Variants in MROH9 observed in about 807,000 individuals in gnomAD.
MROH9 encodes maestro heat like repeat family member 9, also known as maestro heat-like repeat-containing protein family member 9.
A neutral mutation model predicts 98.2 loss-of-function variants in MROH9; 92 were observed. The observed-to-expected ratio is 0.94, with a 90% CI of 0.79 to 1.11. MROH9 has a LOEUF of 1.11. Among genes scored for constraint, MROH9 ranks in the 50% most tolerant of loss-of-function variants. The pLI is 0.00. For synonymous variants in MROH9, 397 were observed against 368.9 expected (o/e 1.08, Z -0.87); for missense variants, 1,057 against 1,014.8 (o/e 1.04, Z -0.57).
At chr1:170,995,865 C>T (rs1045633776) in intron 13 of MROH9, among the ~76,000 whole-genome samples, 2 of 152,104 alleles carry the variant, frequency 1.3e-5, no homozygotes, top group African/African-American at 4.8e-5. Context: ...TACATTTTTG[C>T]TCTGCCATTT....
chr1:171,026,807 A>G (rs967965181), intron 20 of MROH9, among the ~76,000 whole-genome samples: 1 of 152,222 alleles, frequency 6.6e-6, no homozygotes, highest in Admixed American at 6.5e-5. Context: ...GTTATGATAA[A>G]TATTTCCATG....
intron 8 of MROH9, among the ~76,000 whole-genome samples, chr1:170,977,606 C>T (rs1003311665): frequency 6.6e-6 from 1 of 152,170 alleles, no homozygotes; most frequent in African/African-American, 2.4e-5. Context: ...TATTTCCTTA[C>T]AGTAGCAGCT....
chr1:171,005,706 G>C (rs1367720990), intron 15 of MROH9, among the ~76,000 whole-genome samples: 1 of 151,936 alleles, frequency 6.6e-6, no homozygotes, highest in Admixed American at 6.6e-5. Flanking sequence ...ACAAGATCAT[G>C]GCATCTGCAA....
chr1:171,060,021 A>G (rs1436142909), intron 20 of MROH9, among the ~76,000 whole-genome samples: 2 of 151,994 alleles, frequency 1.3e-5, no homozygotes, highest in African/African-American at 4.8e-5. Context: ...TCTCTCTACG[A>G]TTAAAAAAAA....
At chr1:171,015,987 T>C (rs1217007914) in intron 16 of MROH9, among the ~76,000 whole-genome samples, 176 bp from the exon 17 acceptor site, 1 of 152,200 alleles carries the variant, frequency 6.6e-6, no homozygotes, top group Non-Finnish European at 1.5e-5. Flanking sequence ...AATTTAATTT[T>C]CAATAATTAA....
chr1:171,000,312 T>C (rs1162812379), intron 15 of MROH9, among the ~76,000 whole-genome samples: 1 of 151,862 alleles, frequency 6.6e-6, no homozygotes, highest in South Asian at 2.1e-4. Context: ...ATTTTTATAG[T>C]TTCCAGTTCT....
intron 20 of MROH9, among the ~76,000 whole-genome samples, chr1:171,038,348 A>G (rs1359029891): frequency 1.3e-5 from 2 of 152,190 alleles, no homozygotes; most frequent in South Asian, 2.1e-4. Flanking sequence ...AAAGTTTTGT[A>G]CTACCCAGTT....
At chr1:171,003,427 C>G (rs909120925) in intron 15 of MROH9, among the ~76,000 whole-genome samples, 5 of 152,176 alleles carry the variant, frequency 3.3e-5, no homozygotes, top group Non-Finnish European at 7.4e-5. Context: ...TTTTGTCCCA[C>G]AGGGTGTTCC....
intron 7 of MROH9, among the ~76,000 whole-genome samples, chr1:170,967,390 A>C (rs1463117979): frequency 6.6e-6 from 1 of 152,178 alleles, no homozygotes; most frequent in Non-Finnish European, 1.5e-5. Context: ...AAGCCTGTGA[A>C]ATTAATTGGG....
At chr1:171,052,632 A>G (rs144464189) in intron 20 of MROH9, among the ~76,000 whole-genome samples, 72 of 152,274 alleles carry the variant, frequency 4.7e-4, no homozygotes, top group African/African-American at 1.6e-3. Flanking sequence ...ATGCCTAGAA[A>G]TGTGCCCCAG....
At chr1:171,001,136 C>A (rs1048464222) in intron 15 of MROH9, among the ~76,000 whole-genome samples, 1 of 151,932 alleles carries the variant, frequency 6.6e-6, no homozygotes, top group African/African-American at 2.4e-5. Flanking sequence ...GTCTTCTTTT[C>A]TTTGTTAATC....
chr1:171,009,031 AG>A (rs1195700713), intron 15 of MROH9, among the ~76,000 whole-genome samples: 2 of 149,632 alleles, frequency 1.3e-5, no homozygotes, highest in African/African-American at 2.4e-5. Context: ...ATAAAATATA[AG>A]GATTTTAAAA....
intron 1 of MROH9, among the ~76,000 whole-genome samples, chr1:170,943,645 T>C (rs987128603): frequency 6.6e-6 from 1 of 151,498 alleles, no homozygotes; most frequent in Non-Finnish European, 1.5e-5. Flanking sequence ...ATTTGATCTA[T>C]ATAGGAGAAA....
rs970274552 is a variant in MROH9 at position 170,989,351 on chromosome 1, A to AT, written c.880-503dup. Among the ~76,000 whole-genome samples, 158 of 152,302 alleles carry AT rather than the reference A, an allele frequency of 1.0e-3. 1 individual carries two copies. Among genetic ancestry groups the AT allele is most frequent in the African/African-American group, 3.6e-3 (150 of 41,578 alleles). ...AAAAAGGGGGAAAAATGACACTAAC[A>AT]TGGGACCTACGAGTAGAGTTTGCAA... On this transcript the variant is annotated intron_variant, in intron 10 of 21. Transcript: ENST00000367759.
chr1:170,936,051 A>C (rs1007510423), intron 1 of MROH9, among the ~76,000 whole-genome samples: 4 of 151,652 alleles, frequency 2.6e-5, no homozygotes, highest in African/African-American at 9.7e-5. Context: ...CCTCATCCAG[A>C]AATCTTGCCA....
At chr1:170,944,121 G>A (rs1281391640) in intron 1 of MROH9, among the ~76,000 whole-genome samples, 2 of 151,870 alleles carry the variant, frequency 1.3e-5, no homozygotes, top group Non-Finnish European at 2.9e-5. Flanking sequence ...ATGCATAAAG[G>A]TTTCACTAAT....
intron 8 of MROH9, among the ~76,000 whole-genome samples, chr1:170,979,474 T>C (rs1472169320): frequency 6.6e-6 from 1 of 152,216 alleles, no homozygotes; most frequent in South Asian, 2.1e-4. Context: ...TGGATATTTA[T>C]AGGCAGAAAA....
chr1:170,968,853 T>A (rs1650331719), intron 7 of MROH9, among the ~76,000 whole-genome samples: 1 of 152,222 alleles, frequency 6.6e-6, no homozygotes, highest in Non-Finnish European at 1.5e-5. Flanking sequence ...ATAACTAAAG[T>A]GAGCATGGCC....
At chr1:170,937,362 G>A (rs1648927606) in intron 1 of MROH9, among the ~76,000 whole-genome samples, 1 of 152,030 alleles carries the variant, frequency 6.6e-6, no homozygotes. Flanking sequence ...TGAAGTCATT[G>A]CATTTTGTAT....
Sources: allele counts gnomAD v4.1 joint callset (sites outside exome capture counted in the v4.1 genomes callset), GRCh38; gene constraint gnomAD v4.1.1; transcripts MANE v1.5; gene names NCBI Gene and HGNC (gene_info 2026-07-23, HGNC 2026-07-21).